USP12: variants seen among roughly 807,000 people sequenced by gnomAD.
USP12 encodes ubiquitin carboxyl-terminal hydrolase 12.
Under a neutral mutation model 45.5 loss-of-function variants are expected in USP12, and 19 were observed. That is an observed-to-expected ratio of 0.42 (90% CI 0.29 to 0.61). The LOEUF (loss-of-function observed/expected upper bound fraction) is 0.61, where lower values mean the gene tolerates loss of function less well. Among genes scored for constraint, USP12 ranks in the 20% least tolerant of loss-of-function variants. The pLI is 0.22. For missense variants in USP12, 242 were observed against 447.7 expected, an observed-to-expected ratio of 0.54 and a Z score of 4.15; for synonymous variants, 149 against 148.8, an observed-to-expected ratio of 1.00 and a Z score of -0.01.
At chr13:27,125,900 G>A (rs185750486) in intron 1 of USP12, among the ~76,000 whole-genome samples, 105 of 152,364 alleles carry the variant, frequency 6.9e-4, no homozygotes, top group Non-Finnish European at 1.2e-3. Flanking sequence ...GCTTGGCAGG[G>A]GGAGGGGCGT....
intron 1 of USP12, among the ~76,000 whole-genome samples, chr13:27,143,227 A>G: frequency 6.6e-6 from 1 of 152,214 alleles, no homozygotes; most frequent in East Asian, 1.9e-4. Flanking sequence ...CAAACAACTA[A>G]ACACTGAATA....
At position 27,103,607 on chromosome 13, in the gene USP12, A is replaced by ATAATAAT. The variant is rs1555234497; in HGVS notation, c.343+2123_343+2124insATTATTA. On this transcript the variant is annotated intron_variant, in intron 3 of 8. Coordinates refer to ENST00000282344, the MANE Select transcript of USP12 (RefSeq NM_182488.4). ...GTAACTATTGAACTATCAAAAAAAA[A>ATAATAAT]AATAATAATAATAATAATAATAAGG... Among the ~76,000 whole-genome samples the ATAATAAT allele has an allele frequency of 6.8e-3, 876 of 128,500 alleles. 3 individuals carry two copies. Among genetic ancestry groups the ATAATAAT allele is most frequent in the Non-Finnish European group, 9.0e-3 (551 of 61,436 alleles). The allele number at this position is 128,500 out of a possible 152,430, so 84.3% of individuals were successfully genotyped here.
chr13:27,078,510 G>C (rs1465930843), intron 6 of USP12, among the ~76,000 whole-genome samples: 14 of 151,914 alleles, frequency 9.2e-5, no homozygotes, highest in African/African-American at 3.1e-4. Context: ...ACAGGGGGTT[G>C]CCTTTCTTGA....
At chr13:27,135,352 AT>A (rs1411883077) in intron 1 of USP12, among the ~76,000 whole-genome samples, 1 of 152,222 alleles carries the variant, frequency 6.6e-6, no homozygotes, top group African/African-American at 2.4e-5. Flanking sequence ...ACATTTATAA[AT>A]TTTTTAAGTA....
At chr13:27,162,977 A>G (rs956787803) in intron 1 of USP12, 1 of 152,174 alleles carries the variant, frequency 6.6e-6, no homozygotes, top group African/African-American at 2.4e-5. Flanking sequence ...AAATTTTCCA[A>G]TAGTGGTTGT....
chr13:27,106,960 T>TAA (rs1449157294), intron 2 of USP12, among the ~76,000 whole-genome samples: 1 of 152,160 alleles, frequency 6.6e-6, no homozygotes, highest in Non-Finnish European at 1.5e-5. Flanking sequence ...TCAGGTGACT[T>TAA]AAAGAATGTT....
At position 27,090,172 on chromosome 13, in the gene USP12, G is replaced by C. The variant is rs1366267166; in HGVS notation, c.574-14C>G. 6.4e-7 allele frequency: 1 copy of C among 1,563,372 alleles called. No homozygotes were observed. The highest frequency in any genetic ancestry group is 8.7e-7 in the Non-Finnish European group (1 of 1,145,976). On this transcript the variant is annotated splice_polypyrimidine_tract_variant and intron_variant, in intron 4 of 8. Coordinates refer to ENST00000282344, the MANE Select transcript of USP12 (RefSeq NM_182488.4). ...TTTGCTGCTTATCTGTAAAAACAGT[G>C]AATTGTCTTTGATTTTTTCAAATAC...
intron 2 of USP12, among the ~76,000 whole-genome samples, chr13:27,115,616 A>G (rs1487883829): frequency 6.6e-6 from 1 of 152,250 alleles, no homozygotes; most frequent in Non-Finnish European, 1.5e-5. Flanking sequence ...CAACAATTAT[A>G]TAGCACAAGT....
chr13:27,069,319 C>A lies in USP12; in HGVS notation c.1077G>T (p.Glu359Asp), dbSNP rs1296612136. 1 of 1,612,320 alleles carries A rather than the reference C, an allele frequency of 6.2e-7. No homozygotes were observed. Among genetic ancestry groups the A allele is most frequent in the African/African-American group, 1.3e-5 (1 of 74,994 alleles). ...ACTGATAGAAAAGGATGTAACCAGA[C>A]TCAGAGTTCTTTGAGATATCTGATG... ...GLTSDISKNS[E>D]SGYILFYQSR... is the part of the protein sequence containing the mutation. The change falls in exon 9 of 9, where the codon GAG becomes GAT. Residue 359 changes from glutamate (E) to aspartate (D), a missense_variant. Around this residue, in one of 5 missense-constraint regions of USP12, gnomAD observed 94 missense variants for 168.3 expected, o/e 0.56. Coordinates refer to ENST00000282344, the MANE Select transcript of USP12 (RefSeq NM_182488.4).
rs1177514467 is a variant in USP12, at chr13:27,129,118, T to C, written c.49-12522A>G. Among the ~76,000 whole-genome samples the C allele has an allele frequency of 1.2e-4, 18 of 151,448 alleles. No individual in the cohort carries two copies. Among genetic ancestry groups the C allele is most frequent in the Non-Finnish European group, 2.1e-4 (14 of 67,908 alleles). ...CACTTCAAATAAAAAAAAGTACTCATATTGTGAACTATCTAGAAAGAGTTC... is the reference window on the plus strand; with the variant it reads ...CACTTCAAATAAAAAAAAGTACTCACATTGTGAACTATCTAGAAAGAGTTC... On this transcript the variant is annotated intron_variant, in intron 1 of 8. Coordinates refer to ENST00000282344, the MANE Select transcript of USP12 (RefSeq NM_182488.4). This position sits in a 1 kb window ranked among gnomAD's most constrained non-coding sequence, Gnocchi z 4.0.
rs1555240346 is a variant in USP12 at position 27,167,274 on chromosome 13, A to AAAT, written c.48+4317_48+4318insATT. Among the ~76,000 whole-genome samples the AAAT allele has an allele frequency of 8.3e-3, 1,267 of 152,014 alleles. 13 individuals are homozygous for AAAT. The highest frequency in any genetic ancestry group is 0.024 in the Middle Eastern group (7 of 294). On this transcript the variant is annotated intron_variant, in intron 1 of 8. Transcript: ENST00000282344. Reference sequence around the variant, plus strand: ...TGAAACTCCGTCTCAAAAAAAAAATAAAATAAATAAATAAATAACATATCC... The same window carrying AAAT: ...TGAAACTCCGTCTCAAAAAAAAAATAAATAAATAAATAAATAAATAACATATCC...
chr13:27,155,145 G>C (rs1181540414), intron 1 of USP12, among the ~76,000 whole-genome samples: 2 of 128,196 alleles, frequency 1.6e-5, no homozygotes, highest in South Asian at 2.6e-4. Context: ...GCAGTGGCGC[G>C]ATCTCGGCTC....
At chr13:27,168,050 T>C (rs867608983) in intron 1 of USP12, among the ~76,000 whole-genome samples, 30 of 152,226 alleles carry the variant, frequency 2.0e-4, no homozygotes, top group African/African-American at 6.8e-4. Flanking sequence ...AAGTAAAGTT[T>C]ACCATGCTCA....
chr13:27,142,550 A>G (rs1311725708), intron 1 of USP12, among the ~76,000 whole-genome samples: 3 of 152,328 alleles, frequency 2.0e-5, no homozygotes, highest in African/African-American at 7.2e-5. Flanking sequence ...ACAAATATAC[A>G]TTTGTCAAGC....
At chr13:27,078,335 G>T (rs950776799) in intron 6 of USP12, among the ~76,000 whole-genome samples, 3 of 152,030 alleles carry the variant, frequency 2.0e-5, no homozygotes, top group African/African-American at 7.3e-5. Context: ...ATGTGCATAG[G>T]TCATATGCAA....
chr13:27,134,570 C>CA (rs1876704497), intron 1 of USP12, among the ~76,000 whole-genome samples: 1 of 151,994 alleles, frequency 6.6e-6, no homozygotes, highest in South Asian at 2.1e-4. Context: ...TATACTCTCT[C>CA]AATTACTTCA....
At chr13:27,147,343 G>A (rs1309783628) in intron 1 of USP12, among the ~76,000 whole-genome samples, 3 of 152,154 alleles carry the variant, frequency 2.0e-5, no homozygotes, top group East Asian at 3.9e-4. Flanking sequence ...ATTTAGTTAC[G>A]AATGTCTTCT....
At chr13:27,157,764 C>T (rs1877907850) in intron 1 of USP12, among the ~76,000 whole-genome samples, 1 of 152,300 alleles carries the variant, frequency 6.6e-6, no homozygotes, top group Admixed American at 6.5e-5. Flanking sequence ...CTTCCCTCCC[C>T]ACCACTCCCA....
rs529100657 is a variant in USP12 at position 27,116,479 on chromosome 13, C to T, written c.129+37G>A. ...CATTCATCGTTTTTAAAACTGCTTC[C>T]GAACATGATTCTAAAAGCGTATCAA... On this transcript the variant is annotated intron_variant, in intron 2 of 8. Coordinates refer to ENST00000282344, the MANE Select transcript of USP12 (RefSeq NM_182488.4). 4.3e-5 allele frequency: 68 copies of T among 1,588,824 alleles called. No homozygotes were observed. The South Asian group carries it at 6.9e-4, about 16-fold the overall frequency.
Sources: allele counts gnomAD v4.1 joint callset (sites outside exome capture counted in the v4.1 genomes callset), GRCh38; gene constraint gnomAD v4.1.1; regional missense constraint gnomAD v4.1.1; non-coding constraint Gnocchi (gnomAD v3.1); transcripts MANE v1.5; gene names NCBI Gene and HGNC (gene_info 2026-07-23, HGNC 2026-07-21).